OAS1: variants seen among roughly 807,000 people sequenced by gnomAD.
The protein encoded by OAS1 is 2'-5'-oligoadenylate synthase 1.
OAS1 carries 24 observed loss-of-function variants against 38.5 expected under a neutral mutation model. That is an observed-to-expected ratio of 0.62 (90% CI 0.45 to 0.88). The LOEUF is 0.88. OAS1 is among the 40% of genes least tolerant of loss of function. OAS1 has a pLI of 0.00. For synonymous variants in OAS1, 169 were observed against 193.9 expected (o/e 0.87, Z 1.07); for missense variants, 482 against 493.9 (o/e 0.98, Z 0.23).
chr12:112,921,963 C>T (rs1003179442), downstream of OAS1, among the ~76,000 whole-genome samples: 18 of 152,134 alleles, frequency 1.2e-4, no homozygotes, highest in African/African-American at 3.4e-4. Flanking sequence ...GAAATGATCA[C>T]CAGGTCGGTC....
chr12:112,932,663 C>T (rs1159002452), downstream of OAS1: 2 of 152,326 alleles, frequency 1.3e-5, no homozygotes, highest in African/African-American at 4.8e-5. Flanking sequence ...CTGCTATTTA[C>T]TCAGTGCTTA....
At chr12:112,915,332 C>T (rs1245319954) in intron 3 of OAS1, among the ~76,000 whole-genome samples, 1 of 152,200 alleles carries the variant, frequency 6.6e-6, no homozygotes, top group Non-Finnish European at 1.5e-5. Context: ...CATTCTTCTA[C>T]ATGCAACTTG....
chr12:112,919,762 A>T lies in OAS1; in HGVS notation c.*209A>T, dbSNP rs2043516496. 6 of 1,448,500 alleles carry T rather than the reference A, an allele frequency of 4.1e-6. No individual in the cohort carries two copies. The highest frequency in any genetic ancestry group is 2.8e-5 in the Admixed American group (1 of 36,112). 89.7% of individuals were successfully genotyped at this position (1,448,500 alleles called of 1,614,324 possible). ...TCCACAGCCTCACTTCATTCCACCT[A>T]TTCTCTGAAAATATTCCCTGAGAGA... is the stretch of plus-strand genomic sequence containing the variant. On this transcript the variant is annotated 3_prime_UTR_variant, in exon 6 of 6. Transcript: ENST00000202917.
In OAS1 at chr12:112,911,230, C is replaced by CA; in HGVS notation, c.653dup (p.Asn218LysfsTer3). ...CATCCGCCTAGTCAAGCACTGGTAC[C>CA]AAAATGTATGGCCCTCCCACCAGGC... On this transcript the variant is annotated frameshift_variant, in exon 3 of 6. Transcript: ENST00000202917. LOFTEE classifies it high-confidence loss of function. The CA allele has an allele frequency of 1.9e-6, 3 of 1,596,418 alleles. No homozygotes were observed. Among genetic ancestry groups the CA allele is most frequent in the South Asian group, 2.2e-5 (2 of 90,436 alleles).
intron 2 of OAS1, 93 bp from the exon 3 acceptor site, chr12:112,910,958 C>G: frequency 8.1e-7 from 1 of 1,238,336 alleles, no homozygotes; most frequent in Non-Finnish European, 1.1e-6. Context: ...ACTTTTCAAT[C>G]AAACCCCATG....
Position 112,908,613 on chromosome 12 carries a change from C to T in OAS1, c.258C>T (p.Thr86=). 1 of 1,614,196 alleles carries T rather than the reference C, an allele frequency of 6.2e-7. No homozygotes were observed. The highest frequency in any genetic ancestry group is 8.5e-7 in the Non-Finnish European group (1 of 1,180,048). Residue 86 remains threonine (T), a synonymous_variant, in exon 2 of 6, where the codon ACC becomes ACT. Transcript: ENST00000202917. ...TGGTTGTCTTCCTCAGTCCTCTCAC[C>T]ACTTTTCAGGATCAGTTAAATCGCC... ...ADLVVFLSPL[T]TFQDQLNRRG...
intron 5 of OAS1, chr12:112,918,136 C>A: frequency 4.3e-6 from 1 of 231,626 alleles, no homozygotes. Flanking sequence ...CTCTATTGAT[C>A]CTGTCGCCCA....
chr12:112,919,402 G>A lies in OAS1; in HGVS notation c.1052G>A (p.Ser351Asn). The change falls in exon 6 of 6, where the codon AGT becomes AAT. Residue 351 changes from serine to asparagine, a missense_variant. Ser to Asn is a conservative substitution (Grantham distance 46). Coordinates refer to ENST00000202917, the MANE Select transcript of OAS1 (RefSeq NM_016816.4). ...TCACCCTTTCAGGCTGAAAGCAACA[G>A]TGCAGACGATGAGACCGACGATCCC... is the stretch of plus-strand genomic sequence containing the variant. ...SSWILLAESN[S>N]ADDETDDPRR... 3 of 1,613,320 alleles carry A rather than the reference G, an allele frequency of 1.9e-6. No homozygotes were observed. Among genetic ancestry groups the A allele is most frequent in the Non-Finnish European group, 2.5e-6 (3 of 1,179,378 alleles).
chr12:112,911,282 C>G (rs1437141625), intron 3 of OAS1, 47 bp downstream of exon 3: 18 of 1,361,794 alleles, frequency 1.3e-5, no homozygotes, highest in South Asian at 6.9e-5. Flanking sequence ...CGACTGGGAG[C>G]AGAGGAGGGG....
chr12:112,913,918 C>A (rs1410183274), intron 3 of OAS1, among the ~76,000 whole-genome samples: 2 of 152,124 alleles, frequency 1.3e-5, no homozygotes, highest in South Asian at 2.1e-4. Flanking sequence ...CCACTGATCA[C>A]AGAGAGAGGA....
chr12:112,907,311 A>G (rs1167204224), intron 1 of OAS1, 92 bp downstream of exon 1: 3 of 1,339,268 alleles, frequency 2.2e-6, no homozygotes, highest in African/African-American at 1.5e-5. Context: ...AGAAGCAAAA[A>G]CCTAGAACCC....
chr12:112,917,733 C>T, intron 5 of OAS1, 33 bp downstream of exon 5: 1 of 1,614,224 alleles, frequency 6.2e-7, no homozygotes, highest in Non-Finnish European at 8.5e-7. Context: ...TGCCATTCAT[C>T]CCTGCCCCTC....
downstream of OAS1, among the ~76,000 whole-genome samples, chr12:112,922,678 C>A (rs2043537786): frequency 6.6e-6 from 1 of 152,194 alleles, no homozygotes; most frequent in South Asian, 2.1e-4. Context: ...AATGTTTTGT[C>A]CCCTGGGACT....
chr12:112,916,477 A>C (rs769443556), intron 3 of OAS1, 32 bp from the exon 4 acceptor site: 5 of 1,592,414 alleles, frequency 3.1e-6, no homozygotes, highest in Non-Finnish European at 3.4e-6. Flanking sequence ...TGAGCAAACC[A>C]ATTTTTTTCT....
At chr12:112,921,945 G>A (rs147273017), downstream of OAS1, among the ~76,000 whole-genome samples, 164 of 152,238 alleles carry the variant, frequency 1.1e-3, no homozygotes, top group African/African-American at 3.7e-3. Context: ...ATACATTCAG[G>A]GGACAGGGAA....
chr12:112,914,649 T>C (rs2136312069), intron 3 of OAS1, among the ~76,000 whole-genome samples: 1 of 152,068 alleles, frequency 6.6e-6, no homozygotes, highest in South Asian at 2.1e-4. Context: ...AGGAGTGAGG[T>C]GGTATCACAT....
At chr12:112,907,250 G>A (rs778581219) in intron 1 of OAS1, 31 bp downstream of exon 1, 5 of 1,607,674 alleles carry the variant, frequency 3.1e-6, no homozygotes, top group South Asian at 1.1e-5. Flanking sequence ...CCAGGGGAGG[G>A]GTGGCTGAAT....
chr12:112,921,988 G>C (rs181611525), downstream of OAS1, among the ~76,000 whole-genome samples: 1 of 152,120 alleles, frequency 6.6e-6, no homozygotes, highest in African/African-American at 2.4e-5. Context: ...GACACAGTGG[G>C]CAAATGACAA....
At chr12:112,920,023 T>C (rs1237940425), downstream of OAS1, 2 of 249,296 alleles carry the variant, frequency 8.0e-6, no homozygotes, top group South Asian at 6.6e-5. Context: ...ACTTACTATG[T>C]GCCAAGCATA....
Sources: gnomAD v4.1 joint callset for allele counts (sites outside exome capture counted in the v4.1 genomes callset) on GRCh38, gnomAD v4.1.1 for gene constraint, MANE v1.5 for transcripts, NCBI Gene and HGNC (gene_info 2026-07-23, HGNC 2026-07-21) for gene names.